Variants in POLH observed in about 807,000 individuals in gnomAD.
POLH encodes DNA polymerase eta.
In POLH, 53 loss-of-function variants were observed where a neutral mutation model predicts 73.6. The observed-to-expected ratio is 0.72, with a 90% confidence interval of 0.58 to 0.91. The LOEUF is 0.91. POLH is among the 40% of genes least tolerant of loss of function. The probability of loss-of-function intolerance (pLI) is 0.00; values close to 1 mark genes in which losing one functional copy is unlikely to be tolerated. For synonymous variants in POLH, 292 were observed against 308.5 expected (o/e 0.95, Z 0.56); for missense variants, 768 against 865.4 (o/e 0.89, Z 1.41).
chr6:43,587,479 T>C lies in POLH; in HGVS notation c.480T>C (p.Thr160=), dbSNP rs774374609. The C allele has an allele frequency of 1.9e-6, 3 of 1,612,324 alleles. No individual in the cohort carries two copies. Among genetic ancestry groups the C allele is most frequent in the East Asian group, 2.2e-5 (1 of 44,866 alleles). The change falls in exon 4 of 11, where the codon ACT becomes ACC. Residue 160 remains threonine (T), a synonymous_variant. Coordinates refer to ENST00000372236, the MANE Select transcript of POLH (RefSeq NM_006502.3). ...LPQGPTTAEE[T]VQKEGMRKQG... ...AAGGCCCTACAACGGCAGAAGAGACTGTTCAGAAAGGTACTTCCATAGCAT... is the reference window on the plus strand; with the variant it reads ...AAGGCCCTACAACGGCAGAAGAGACCGTTCAGAAAGGTACTTCCATAGCAT...
chr6:43,600,507 A>T (rs1029639870), intron 5 of POLH, among the ~76,000 whole-genome samples: 2 of 152,160 alleles, frequency 1.3e-5, no homozygotes, highest in African/African-American at 4.8e-5. Context: ...GGTGGTTTTG[A>T]GCCCAATCTC....
intron 1 of POLH, among the ~76,000 whole-genome samples, chr6:43,577,552 CT>C (rs1207309074): frequency 1.3e-5 from 2 of 152,018 alleles, no homozygotes; most frequent in African/African-American, 4.8e-5. Context: ...AATGCTTTGA[CT>C]GCTCTGATTT....
intron 9 of POLH, among the ~76,000 whole-genome samples, chr6:43,609,524 C>T (rs970783463): frequency 6.6e-6 from 1 of 152,156 alleles, no homozygotes; most frequent in Non-Finnish European, 1.5e-5. Flanking sequence ...TGCCTCTTGA[C>T]CATTATGTCT....
intron 5 of POLH, among the ~76,000 whole-genome samples, chr6:43,599,290 C>T (rs973158927): frequency 3.3e-5 from 5 of 151,882 alleles, no homozygotes; most frequent in East Asian, 1.9e-4. Context: ...CGCCCGGCCA[C>T]GTGCTGAATA....
chr6:43,600,701 A>C (rs1039872203), intron 5 of POLH, among the ~76,000 whole-genome samples: 6 of 152,152 alleles, frequency 3.9e-5, no homozygotes, highest in African/African-American at 1.4e-4. Flanking sequence ...AAACCTCTTG[A>C]AGTAGGAATA....
chr6:43,585,079 A>G (rs1348084471), intron 3 of POLH, among the ~76,000 whole-genome samples: 1 of 152,146 alleles, frequency 6.6e-6, no homozygotes, highest in African/African-American at 2.4e-5. Context: ...GGGTCGCTTG[A>G]GCCCAGGAGA....
rs562120149 is a variant in POLH at position 43,603,217 on chromosome 6, C to A, written c.765-675C>A. ...TCTCGGCTCACTGTAACCTCTGCCTCCTGGGCTCAAGTGATCCTCCCACCT... is the reference window on the plus strand; with the variant it reads ...TCTCGGCTCACTGTAACCTCTGCCTACTGGGCTCAAGTGATCCTCCCACCT... On this transcript the variant is annotated intron_variant, in intron 6 of 10. Transcript: ENST00000372236. Among the ~76,000 whole-genome samples, 4 of 152,114 alleles carry A rather than the reference C, an allele frequency of 2.6e-5. No homozygotes were observed. In the South Asian group the frequency reaches 8.3e-4, roughly 32 times the overall value.
In POLH at chr6:43,618,014, C is replaced by T. The variant is rs914468150; in HGVS notation, c.*3457C>T. Among the ~76,000 whole-genome samples the T allele has an allele frequency of 3.9e-5, 6 of 152,100 alleles. No homozygotes were observed. The highest frequency in any genetic ancestry group is 8.8e-5 in the Non-Finnish European group (6 of 68,016). On this transcript the variant is annotated 3_prime_UTR_variant, in exon 11 of 11. Coordinates refer to ENST00000372236, the MANE Select transcript of POLH (RefSeq NM_006502.3). ...TGTGTAGAGGACATTTTCTTAAGCC[C>T]TTAAGTACAAATTTAAGAGGTAAGT...
intron 9 of POLH, among the ~76,000 whole-genome samples, chr6:43,609,058 C>T (rs78183676): frequency 0.013 from 1,979 of 152,186 alleles, 22 homozygotes; most frequent in Non-Finnish European, 0.021. Context: ...TTAATATTTG[C>T]TTCCTTGATT....
At position 43,615,664 on chromosome 6, in the gene POLH, ATTATTT is replaced by A. The variant is rs941785039; in HGVS notation, c.*1122_*1127del. 7.3e-5 allele frequency: 11 copies of A among 151,012 alleles called. No individual in the cohort carries two copies. The highest frequency in any genetic ancestry group is 2.7e-4 in the African/African-American group (11 of 41,078). 9.4% of individuals were successfully genotyped at this position (151,012 alleles called of 1,614,324 possible). ...TTGCATAGTTAAAAAAAAAAAAGGGATTATTTTTATTTTTATTTTTTATTTTTGAGA... is the reference window on the plus strand; with the variant it reads ...TTGCATAGTTAAAAAAAAAAAAGGGATTATTTTTATTTTTTATTTTTGAGA... On this transcript the variant is annotated 3_prime_UTR_variant, in exon 11 of 11. Coordinates refer to ENST00000372236, the MANE Select transcript of POLH (RefSeq NM_006502.3).
Position 43,590,629 on chromosome 6 carries a change from G to A in POLH, c.490+3140G>A, listed in dbSNP as rs1271622538. ...CCCCCCAGAGCAAATAATTCTGCAT[G>A]TTTCATGTTTTGGCTGGGTGTGGTG... On this transcript the variant is annotated intron_variant, in intron 4 of 10. Coordinates refer to ENST00000372236, the MANE Select transcript of POLH (RefSeq NM_006502.3). Among the ~76,000 whole-genome samples, 4 of 151,346 alleles carry A rather than the reference G, an allele frequency of 2.6e-5. No individual in the cohort carries two copies. The East Asian group carries it at 7.8e-4, about 30-fold the overall frequency.
intron 1 of POLH, chr6:43,578,345 C>T: frequency 2.5e-6 from 1 of 403,092 alleles, no homozygotes; most frequent in Non-Finnish European, 4.8e-6. Context: ...CGAGACTGTG[C>T]CATTGCACTC....
At chr6:43,582,849 A>G (rs1484725415) in intron 2 of POLH, among the ~76,000 whole-genome samples, 158 bp from the exon 3 acceptor site, 1 of 152,156 alleles carries the variant, frequency 6.6e-6, no homozygotes, top group Non-Finnish European at 1.5e-5. Context: ...GCCTGGCCCT[A>G]TTTTTGAGAT....
chr6:43,595,795 TTAAA>T (rs1274548336), intron 4 of POLH, among the ~76,000 whole-genome samples: 1 of 151,802 alleles, frequency 6.6e-6, no homozygotes, highest in Non-Finnish European at 1.5e-5. Flanking sequence ...AAATAAATAA[TTAAA>T]TAAATAAAAT....
At chr6:43,596,607 T>G (rs1212560117) in intron 4 of POLH, among the ~76,000 whole-genome samples, 1 of 152,094 alleles carries the variant, frequency 6.6e-6, no homozygotes, top group Non-Finnish European at 1.5e-5. Flanking sequence ...AAAGAGAAAA[T>G]AAGCCAATAT....
At chr6:43,582,140 C>T (rs1451792614) in intron 1 of POLH, among the ~76,000 whole-genome samples, 176 bp from the exon 2 acceptor site, 2 of 152,072 alleles carry the variant, frequency 1.3e-5, no homozygotes, top group African/African-American at 4.8e-5. Context: ...ACTTTGGATC[C>T]CAGCCATTTC....
chr6:43,616,415 A>G lies in POLH; in HGVS notation c.*1858A>G, dbSNP rs9472090. On this transcript the variant is annotated 3_prime_UTR_variant, in exon 11 of 11. Transcript: ENST00000372236. ...TCGAGACCAGCCTGGGCAAGGTGGC[A>G]AAACCCCGTCTCTACTAAAAAAAAT... Among the ~76,000 whole-genome samples, 28,453 of 150,330 alleles carry G rather than the reference A, an allele frequency of 0.19. 5,712 individuals are homozygous for G. Among genetic ancestry groups the G allele is most frequent in the African/African-American group, 0.51 (20,922 of 40,978 alleles).
At chr6:43,585,547 A>G (rs1451886761) in intron 3 of POLH, among the ~76,000 whole-genome samples, 1 of 152,172 alleles carries the variant, frequency 6.6e-6, no homozygotes, top group Non-Finnish European at 1.5e-5. Context: ...GTTGTATGCC[A>G]GGAAACTGGG....
At position 43,614,213 on chromosome 6, in the gene POLH, A is replaced by G. The variant is rs1768172936; in HGVS notation, c.1798A>G (p.Asn600Asp). ...ATPAEMDLAH[N>D]SQSMHASSAS... is the part of the protein sequence containing the mutation. The stretch of plus-strand genomic sequence containing the variant: ...TCCTGCAGAGATGGATTTGGCCCAC[A>G]ACAGCCAAAGCATGCACGCCTCTTC... Residue 600 changes from asparagine to aspartate, a missense_variant, in exon 11 of 11, where the codon AAC (asparagine) becomes GAC (aspartate). By Grantham distance (23) the Asn-to-Asp change is conservative (BLOSUM62 1). Transcript: ENST00000372236. The G allele has an allele frequency of 1.2e-6, 2 of 1,612,448 alleles. No individual in the cohort carries two copies. Among genetic ancestry groups the G allele is most frequent in the South Asian group, 1.1e-5 (1 of 91,070 alleles).
Sources: gnomAD v4.1 joint callset for allele counts (sites outside exome capture counted in the v4.1 genomes callset) on GRCh38, gnomAD v4.1.1 for gene constraint, MANE v1.5 for transcripts, NCBI Gene and HGNC (gene_info 2026-07-23, HGNC 2026-07-21) for gene names.